The following RAD21L1 variants were observed in gnomAD, a reference collection of about 807,000 sequenced individuals.
The protein encoded by RAD21L1 is double-strand-break repair protein rad21-like protein 1.
In RAD21L1, 47 loss-of-function variants were observed where a neutral mutation model predicts 69.0. That is an observed-to-expected ratio of 0.68 (90% confidence interval 0.54 to 0.87). RAD21L1 has a LOEUF of 0.87. Among genes scored for constraint, RAD21L1 ranks in the 40% least tolerant of loss-of-function variants. The probability of loss-of-function intolerance (pLI) is 0.00; values close to 1 mark genes in which losing one functional copy is unlikely to be tolerated. For synonymous variants in RAD21L1, 177 were observed against 205.8 expected (o/e 0.86, Z 1.20); for missense variants, 583 against 647.6 (o/e 0.90, Z 1.08).
intron 4 of RAD21L1, among the ~76,000 whole-genome samples, chr20:1,231,928 G>A (rs1393856917): frequency 6.6e-6 from 1 of 152,070 alleles, no homozygotes; most frequent in African/African-American, 2.4e-5. Flanking sequence ...CATAGCTGCT[G>A]GCCTCATGGA....
chr20:1,253,599 A>G (rs387035), intron 13 of RAD21L1, among the ~76,000 whole-genome samples: 1,834 of 152,178 alleles, frequency 0.012, 35 homozygotes, highest in African/African-American at 0.043. Flanking sequence ...GCCTGGCCGC[A>G]CTGCAGTATT....
chr20:1,227,116 G>A (rs1320013585), intron 1 of RAD21L1, among the ~76,000 whole-genome samples: 2 of 152,144 alleles, frequency 1.3e-5, no homozygotes, highest in African/African-American at 4.8e-5. Flanking sequence ...CACCATGTTG[G>A]CCAGGCTGGT....
At position 1,246,239 on chromosome 20, in the gene RAD21L1, T is replaced by G. The variant is rs375036419; in HGVS notation, c.1335T>G (p.Ala445=). The G allele has an allele frequency of 6.5e-7, 1 of 1,541,030 alleles. No homozygotes were observed. Among genetic ancestry groups the G allele is most frequent in the Non-Finnish European group, 8.7e-7 (1 of 1,142,906 alleles). Residue 445 remains alanine, a synonymous_variant, in exon 12 of 14, where the codon GCT becomes GCG. Coordinates refer to ENST00000683101, the MANE Select transcript of RAD21L1 (RefSeq NM_001384355.1). The surrounding 1 kb of genome is among the most constrained non-coding windows in gnomAD (Gnocchi z 4.6). Reference sequence around the variant, plus strand: ...ATATTGTTGAAATGGTGTCTTTAGCTGCTGAGGAATCATCTTTAATGAATG... The same window carrying G: ...ATATTGTTGAAATGGTGTCTTTAGCGGCTGAGGAATCATCTTTAATGAATG... ...SEDIVEMVSL[A]AEESSLMNDL... is the part of the protein sequence containing the mutation.
At chr20:1,245,867 G>A (rs1225417749) in intron 11 of RAD21L1, among the ~76,000 whole-genome samples, 1 of 151,930 alleles carries the variant, frequency 6.6e-6, no homozygotes, top group Non-Finnish European at 1.5e-5. Flanking sequence ...AGGTAGGGGA[G>A]TGGGGCTATA....
chr20:1,248,824 C>T (rs530062953), intron 13 of RAD21L1, 121 bp downstream of exon 13: 105 of 535,338 alleles, frequency 2.0e-4, no homozygotes, highest in African/African-American at 1.9e-3. Context: ...GGCCAAATCC[C>T]ACTAGAGTGC....
chr20:1,241,667 C>A (rs1458288398), intron 8 of RAD21L1, among the ~76,000 whole-genome samples: 1 of 152,110 alleles, frequency 6.6e-6, no homozygotes, highest in Non-Finnish European at 1.5e-5. Context: ...CTATACCAAT[C>A]TGTGGTTCCC....
chr20:1,252,403 A>G (rs1291280420), intron 13 of RAD21L1, among the ~76,000 whole-genome samples: 1 of 152,130 alleles, frequency 6.6e-6, no homozygotes, highest in Non-Finnish European at 1.5e-5. Context: ...CTCCCTTAGA[A>G]TAGTCATCTT....
chr20:1,245,643 C>T (rs989483892), intron 11 of RAD21L1, among the ~76,000 whole-genome samples: 1 of 152,074 alleles, frequency 6.6e-6, no homozygotes, highest in Non-Finnish European at 1.5e-5. Flanking sequence ...TAGGAAATCT[C>T]TGTCTCTTTT....
chr20:1,233,510 C>A (rs574617895), intron 4 of RAD21L1, among the ~76,000 whole-genome samples: 2 of 152,132 alleles, frequency 1.3e-5, no homozygotes, highest in African/African-American at 4.8e-5. Context: ...TAACAAAATA[C>A]CATAAACTGG....
chr20:1,248,045 CAAAAAAAAAA>C (rs71327497), intron 12 of RAD21L1, among the ~76,000 whole-genome samples: 34 of 71,936 alleles, frequency 4.7e-4, no homozygotes, highest in African/African-American at 1.7e-3. Context: ...CCTTAAATAC[CAAAAAAAAAA>C]AAAAAAAAAA....
intron 13 of RAD21L1, 71 bp from the exon 14 acceptor site, chr20:1,254,198 C>G (rs1200374910): frequency 9.9e-7 from 1 of 1,013,960 alleles, no homozygotes; most frequent in African/African-American, 1.6e-5. Context: ...GTTTATTACG[C>G]ATTTATAGCC....
Position 1,228,582 on chromosome 20 carries a change from A to C in RAD21L1, c.129A>C (p.Lys43Asn). 1 of 1,542,880 alleles carries C rather than the reference A, an allele frequency of 6.5e-7. No homozygotes were observed. Among genetic ancestry groups the C allele is most frequent in the Non-Finnish European group, 8.7e-7 (1 of 1,143,668 alleles). Residue 43 changes from lysine (K) to asparagine (N), a missense_variant, in exon 2 of 14, where the codon AAA (lysine) becomes AAC (asparagine). Transcript: ENST00000683101. ...FECNLEITIE[K>N]ILSPKVKIAL... ...GTAATCTAGAGATAACCATTGAAAA[A>C]ATTCTTTCACCCAAGGTATGTTACT...
intron 7 of RAD21L1, 120 bp from the exon 8 acceptor site, chr20:1,240,201 G>C (rs186773311): frequency 3.6e-5 from 50 of 1,388,348 alleles, no homozygotes; most frequent in Non-Finnish European, 4.6e-5. Context: ...GAATTCAGAT[G>C]TTCCAGTTAG....
At chr20:1,226,989 A>C (rs2087277431) in intron 1 of RAD21L1, among the ~76,000 whole-genome samples, 1 of 152,086 alleles carries the variant, frequency 6.6e-6, no homozygotes, top group African/African-American at 2.4e-5. Flanking sequence ...GGCTCATTGC[A>C]GCCTCCGTCT....
At chr20:1,231,940 C>G (rs1467219074) in intron 4 of RAD21L1, among the ~76,000 whole-genome samples, 2 of 152,092 alleles carry the variant, frequency 1.3e-5, no homozygotes, top group Non-Finnish European at 2.9e-5. Context: ...CCTCATGGAT[C>G]TTAAATTTTA....
At chr20:1,249,727 A>G (rs2087788512) in intron 13 of RAD21L1, among the ~76,000 whole-genome samples, 1 of 152,360 alleles carries the variant, frequency 6.6e-6, no homozygotes, top group Admixed American at 6.5e-5. Flanking sequence ...GAAGAAGAGA[A>G]TGGAAATTAA....
At chr20:1,227,623 G>C (rs527659504) in intron 1 of RAD21L1, among the ~76,000 whole-genome samples, 1 of 152,190 alleles carries the variant, frequency 6.6e-6, no homozygotes, top group East Asian at 1.9e-4. Context: ...GTCAACCAAA[G>C]TGCTATAACA....
At chr20:1,231,114 G>A (rs566334136) in intron 3 of RAD21L1, among the ~76,000 whole-genome samples, 1 of 152,278 alleles carries the variant, frequency 6.6e-6, no homozygotes, top group Admixed American at 6.5e-5. Context: ...CATGTAAAAA[G>A]TCCCTGAGGG....
At chr20:1,228,834 T>TTATGCG (rs1802771846) in intron 2 of RAD21L1, among the ~76,000 whole-genome samples, 1 of 152,224 alleles carries the variant, frequency 6.6e-6, no homozygotes, top group African/African-American at 2.4e-5. Flanking sequence ...AGGCCATATT[T>TTATGCG]TATGCGTATT....
Sources: gnomAD v4.1 joint callset for allele counts (sites outside exome capture counted in the v4.1 genomes callset) on GRCh38, gnomAD v4.1.1 for gene constraint, Gnocchi (gnomAD v3.1) non-coding constraint, MANE v1.5 for transcripts, NCBI Gene and HGNC (gene_info 2026-07-23, HGNC 2026-07-21) for gene names.